Variants in RALGAPB observed in about 807,000 individuals in gnomAD.
The protein encoded by RALGAPB is ral GTPase-activating protein subunit beta.
In RALGAPB, 25 loss-of-function variants were observed where a neutral mutation model predicts 161.1. The ratio of observed to expected loss-of-function variants is 0.16; its 90% CI spans 0.11 to 0.22. The LOEUF (loss-of-function observed/expected upper bound fraction) is 0.22. Among genes scored for constraint, RALGAPB ranks in the 10% least tolerant of loss-of-function variants. The probability of loss-of-function intolerance (pLI) is 1.00; values close to 1 mark genes in which losing one functional copy is unlikely to be tolerated. For missense variants in RALGAPB, 1,391 were observed against 1,815.2 expected, an observed-to-expected ratio of 0.77 and a Z score of 4.25; for synonymous variants, 629 against 626.1, an observed-to-expected ratio of 1.00 and a Z score of -0.07.
intron 28 of RALGAPB, among the ~76,000 whole-genome samples, chr20:38,572,235 C>T (rs1275806101): frequency 6.6e-6 from 1 of 152,134 alleles, no homozygotes; most frequent in Non-Finnish European, 1.5e-5. Context: ...ATTTGTTTTA[C>T]CTGCCCATAC....
chr20:38,518,982 CTAT>C (rs1439184610), intron 9 of RALGAPB, among the ~76,000 whole-genome samples: 2 of 152,134 alleles, frequency 1.3e-5, no homozygotes, highest in African/African-American at 4.8e-5. Context: ...TAATTCTTAG[CTAT>C]TATTATTATC....
Position 38,576,498 on chromosome 20 carries a change from A to C in RALGAPB, c.*1531A>C, listed in dbSNP as rs1332723463. On this transcript the variant is annotated 3_prime_UTR_variant, in exon 30 of 30. Transcript: ENST00000262879. Reference sequence around the variant, plus strand: ...ATATGGGCATAGCAGCTCTTGGTTTAAAGTTTGCCATAACCTGTTCATGTT... The same window carrying C: ...ATATGGGCATAGCAGCTCTTGGTTTCAAGTTTGCCATAACCTGTTCATGTT... 1 of 152,252 alleles carries C rather than the reference A, an allele frequency of 6.6e-6. No individual in the cohort carries two copies. The highest frequency in any genetic ancestry group is 2.4e-5 in the African/African-American group (1 of 41,458). 9.4% of individuals were successfully genotyped at this position (152,252 alleles called of 1,614,324 possible).
intron 2 of RALGAPB, among the ~76,000 whole-genome samples, chr20:38,488,946 C>A (rs967359847): frequency 6.6e-6 from 1 of 152,192 alleles, no homozygotes; most frequent in Non-Finnish European, 1.5e-5. Context: ...CCCCAAAGAT[C>A]TAGGCTTAGT....
intron 18 of RALGAPB, 25 bp downstream of exon 18, chr20:38,541,217 T>G (rs2086953650): frequency 6.2e-7 from 1 of 1,610,418 alleles, no homozygotes; most frequent in African/African-American, 1.3e-5. Context: ...GCACAGGGAT[T>G]GTGCCTAGGA....
intron 18 of RALGAPB, among the ~76,000 whole-genome samples, chr20:38,543,580 T>C (rs1233296830): frequency 1.3e-5 from 2 of 152,204 alleles, no homozygotes; most frequent in South Asian, 2.1e-4. Flanking sequence ...TCTAAACTCC[T>C]CAATCTGGTT....
At chr20:38,523,115 C>T (rs975309535) in intron 10 of RALGAPB, among the ~76,000 whole-genome samples, 2 of 151,866 alleles carry the variant, frequency 1.3e-5, no homozygotes, top group African/African-American at 4.8e-5. Context: ...GATTGTGCCA[C>T]TGCACTCCAG....
At chr20:38,516,072 A>G (rs1568932064) in intron 6 of RALGAPB, 120 bp from the exon 7 acceptor site, 16 of 733,604 alleles carry the variant, frequency 2.2e-5, no homozygotes, top group Non-Finnish European at 3.1e-5. Context: ...TTAAATACAA[A>G]TCAGTCTCTT....
chr20:38,501,725 A>G (rs1337627568), intron 5 of RALGAPB, among the ~76,000 whole-genome samples: 1 of 152,156 alleles, frequency 6.6e-6, no homozygotes, highest in Non-Finnish European at 1.5e-5. Flanking sequence ...ATCTTAAGAA[A>G]TACAGCTGAC....
chr20:38,485,966 CTTTTTTTTTTTT>C (rs11481893), intron 1 of RALGAPB, among the ~76,000 whole-genome samples: 2 of 90,712 alleles, frequency 2.2e-5, no homozygotes. Context: ...CTTTCTATAT[CTTTTTTTTTTTT>C]TTTTTTTTGA....
At chr20:38,493,527 A>C (rs1384777873) in intron 3 of RALGAPB, among the ~76,000 whole-genome samples, 1 of 152,220 alleles carries the variant, frequency 6.6e-6, no homozygotes, top group African/African-American at 2.4e-5. Context: ...AAGACACTTG[A>C]AATGATTATG....
chr20:38,558,915 A>C (rs1272118764), intron 23 of RALGAPB, among the ~76,000 whole-genome samples: 2 of 152,226 alleles, frequency 1.3e-5, no homozygotes, highest in Non-Finnish European at 2.9e-5. Flanking sequence ...AATTTGAGGG[A>C]GACTCACATT....
intron 23 of RALGAPB, among the ~76,000 whole-genome samples, chr20:38,560,821 G>A (rs1301130035): frequency 1.3e-5 from 2 of 152,196 alleles, no homozygotes; most frequent in East Asian, 3.8e-4. Context: ...GGTAGATTAA[G>A]ATTAATTTCT....
At position 38,541,068 on chromosome 20, in the gene RALGAPB, G is replaced by T; in HGVS notation, c.2590G>T (p.Val864Leu). 6.2e-7 allele frequency: 1 copy of T among 1,614,094 alleles called. No individual in the cohort carries two copies. Residue 864 changes from valine (V) to leucine (L), a missense_variant, in exon 18 of 30, where the codon GTG (valine) becomes TTG (leucine). Val to Leu is a conservative substitution (Grantham distance 32). Around this residue, in one of 3 missense-constraint regions of RALGAPB, gnomAD observed 946 missense variants for 1,257.2 expected, o/e 0.75. Coordinates refer to ENST00000262879, the MANE Select transcript of RALGAPB (RefSeq NM_020336.4). ...KDCLKEVLEI[V>L]ELGISGSKSK... is the part of the protein sequence containing the mutation. ...CTGCCTTAAGGAAGTACTGGAGATTGTGGAACTGGGTATCTCAGGAAGTAA... is the reference window on the plus strand; with the variant it reads ...CTGCCTTAAGGAAGTACTGGAGATTTTGGAACTGGGTATCTCAGGAAGTAA...
intron 1 of RALGAPB, among the ~76,000 whole-genome samples, chr20:38,481,892 A>G (rs1050503887): frequency 2.6e-5 from 4 of 152,234 alleles, no homozygotes; most frequent in African/African-American, 7.2e-5. Flanking sequence ...ATTCTATGAC[A>G]TAAAGATGTA....
chr20:38,546,741 T>G, intron 19 of RALGAPB: 3 of 301,968 alleles, frequency 9.9e-6, no homozygotes, highest in East Asian at 7.4e-5. Context: ...CTTCGGATCC[T>G]GCCCCTCTGC....
intron 16 of RALGAPB, among the ~76,000 whole-genome samples, chr20:38,539,491 A>G (rs1056144080): frequency 2.6e-5 from 4 of 152,204 alleles, no homozygotes; most frequent in African/African-American, 4.8e-5. Context: ...ATGTTCTTTC[A>G]GTCTCTGGGA....
intron 20 of RALGAPB, among the ~76,000 whole-genome samples, chr20:38,549,579 TAC>T (rs1177449411): frequency 1.4e-4 from 10 of 72,354 alleles, no homozygotes; most frequent in Non-Finnish European, 2.0e-4. Flanking sequence ...CACACACACA[TAC>T]ATATACACAC....
At chr20:38,564,359 G>A (rs1451663589) in intron 24 of RALGAPB, among the ~76,000 whole-genome samples, 2 of 152,170 alleles carry the variant, frequency 1.3e-5, no homozygotes, top group Admixed American at 6.5e-5. Flanking sequence ...AGCCTAAAAT[G>A]TTATCTGTCT....
At chr20:38,569,709 G>T in intron 26 of RALGAPB, 179 bp from the exon 27 acceptor site, 1 of 563,414 alleles carries the variant, frequency 1.8e-6, no homozygotes, top group Non-Finnish European at 3.2e-6. Flanking sequence ...TAAGACTGAT[G>T]AACAGGAGCC....
Sources: gnomAD v4.1 joint callset for allele counts (sites outside exome capture counted in the v4.1 genomes callset) on GRCh38, gnomAD v4.1.1 for gene constraint, gnomAD v4.1.1 regional missense constraint, MANE v1.5 for transcripts, NCBI Gene and HGNC (gene_info 2026-07-23, HGNC 2026-07-21) for gene names.